The following SPATA17 variants were observed in gnomAD, a reference collection of about 807,000 sequenced individuals.
The protein encoded by SPATA17 is spermatogenesis associated 17.
In SPATA17, 53 loss-of-function variants were observed where a neutral mutation model predicts 62.2. The ratio of observed to expected loss-of-function variants is 0.85; its 90% CI spans 0.68 to 1.07. The LOEUF (loss-of-function observed/expected upper bound fraction) is 1.07. SPATA17 is among the 50% of genes least tolerant of loss of function. The probability of loss-of-function intolerance (pLI) is 0.00; values close to 1 mark genes in which losing one functional copy is unlikely to be tolerated. For missense variants in SPATA17, 466 were observed against 425.5 expected, an observed-to-expected ratio of 1.10 and a Z score of -0.84; for synonymous variants, 146 against 146.8, an observed-to-expected ratio of 0.99 and a Z score of 0.04.
intron 5 of SPATA17, among the ~76,000 whole-genome samples, chr1:217,739,887 T>C (rs923988706): frequency 1.3e-5 from 2 of 152,268 alleles, no homozygotes; most frequent in Admixed American, 1.3e-4. Flanking sequence ...ATGAATTTAT[T>C]AAATTAACTA....
chr1:217,656,788 T>A (rs1425619384), intron 3 of SPATA17, among the ~76,000 whole-genome samples: 2 of 152,202 alleles, frequency 1.3e-5, no homozygotes, highest in Admixed American at 1.3e-4. Context: ...CTATGAATAT[T>A]ATCACTATTT....
chr1:217,717,959 A>G (rs2102931785), intron 5 of SPATA17, among the ~76,000 whole-genome samples: 1 of 152,342 alleles, frequency 6.6e-6, no homozygotes, highest in East Asian at 1.9e-4. Context: ...CTATGCCCCA[A>G]ACTAATGGGG....
chr1:217,819,628 G>A (rs903116372), intron 9 of SPATA17, among the ~76,000 whole-genome samples: 1 of 151,934 alleles, frequency 6.6e-6, no homozygotes, highest in Non-Finnish European at 1.5e-5. Flanking sequence ...CTCTCCCCTT[G>A]CATTTTACAC....
chr1:217,782,383 T>A (rs2102976938), intron 8 of SPATA17, 61 bp downstream of exon 8: 1 of 1,493,090 alleles, frequency 6.7e-7, no homozygotes, highest in East Asian at 2.4e-5. Context: ...TTTTCTAATT[T>A]TTTTATTTTC....
At chr1:217,786,814 C>CTTCTTCTTCTTCTTCTTCTTCTTCT (rs1673883768) in intron 8 of SPATA17, among the ~76,000 whole-genome samples, 1 of 38,124 alleles carries the variant, frequency 2.6e-5, no homozygotes, top group Admixed American at 2.8e-4. Context: ...CTTCTTCTTC[C>CTTCTTCTTCTTCTTCTTCTTCTTCT]TCTGTATAAT....
intron 6 of SPATA17, among the ~76,000 whole-genome samples, chr1:217,762,599 A>G (rs563178679): frequency 2.0e-5 from 3 of 152,304 alleles, no homozygotes; most frequent in African/African-American, 4.8e-5. Context: ...GTCACGATAG[A>G]TTGTCTACTC....
chr1:217,838,654 A>G (rs1184754959), intron 9 of SPATA17, among the ~76,000 whole-genome samples: 1 of 152,102 alleles, frequency 6.6e-6, no homozygotes, highest in Non-Finnish European at 1.5e-5. Context: ...AAAAGAAATC[A>G]CTTTTGTTCT....
chr1:217,777,999 T>C (rs1673633958), intron 7 of SPATA17, among the ~76,000 whole-genome samples: 1 of 152,180 alleles, frequency 6.6e-6, no homozygotes, highest in African/African-American at 2.4e-5. Flanking sequence ...TTGAATTATG[T>C]ACATTACTAT....
chr1:217,643,718 A>C (rs12737546), intron 1 of SPATA17, among the ~76,000 whole-genome samples: 81,443 of 143,650 alleles, frequency 0.57, 23,232 homozygotes, highest in African/African-American at 0.6. Flanking sequence ...CTCTCTCTAT[A>C]TATATATATA....
At chr1:217,653,791 G>A (rs964324829) in intron 3 of SPATA17, among the ~76,000 whole-genome samples, 5 of 151,916 alleles carry the variant, frequency 3.3e-5, no homozygotes, top group African/African-American at 1.2e-4. Flanking sequence ...AGGGATTTTG[G>A]TAATAACCTT....
At chr1:217,822,918 T>A (rs1405350412) in intron 9 of SPATA17, among the ~76,000 whole-genome samples, 1 of 151,828 alleles carries the variant, frequency 6.6e-6, no homozygotes, top group Non-Finnish European at 1.5e-5. Context: ...ATATATTCAC[T>A]GTCAATAATC....
intron 5 of SPATA17, among the ~76,000 whole-genome samples, chr1:217,732,527 C>T (rs933470481): frequency 2.4e-4 from 37 of 152,198 alleles, no homozygotes; most frequent in Non-Finnish European, 7.4e-5. Context: ...CAATTCTGAA[C>T]TCTACCCAAA....
intron 7 of SPATA17, among the ~76,000 whole-genome samples, chr1:217,779,729 T>C (rs1188073180): frequency 6.6e-6 from 1 of 152,092 alleles, no homozygotes; most frequent in African/African-American, 2.4e-5. Flanking sequence ...AATAAAAAAG[T>C]ATATACCTCA....
At chr1:217,789,407 A>T (rs961823044) in intron 8 of SPATA17, among the ~76,000 whole-genome samples, 2 of 152,166 alleles carry the variant, frequency 1.3e-5, no homozygotes, top group African/African-American at 4.8e-5. Context: ...TAAAACCGAA[A>T]TGGGGTCCAT....
At chr1:217,855,448 G>A (rs1186243164) in intron 9 of SPATA17, among the ~76,000 whole-genome samples, 1 of 151,998 alleles carries the variant, frequency 6.6e-6, no homozygotes, top group Non-Finnish European at 1.5e-5. Flanking sequence ...TGTGTTTTTG[G>A]TTGTAATTAA....
intron 4 of SPATA17, among the ~76,000 whole-genome samples, chr1:217,680,480 A>C (rs1671054675): frequency 6.6e-6 from 1 of 152,144 alleles, no homozygotes; most frequent in Non-Finnish European, 1.5e-5. Context: ...AATATTGGTA[A>C]AATTAGGGAG....
intron 6 of SPATA17, among the ~76,000 whole-genome samples, chr1:217,764,165 A>G (rs1673243541): frequency 6.6e-6 from 1 of 152,144 alleles, no homozygotes; most frequent in African/African-American, 2.4e-5. Flanking sequence ...ACAAATCTAT[A>G]ATGACATATA....
At position 217,712,128 on chromosome 1, in the gene SPATA17, C is replaced by CTTTTTTTTTTTTTTTT. The variant is rs551988828; in HGVS notation, c.395+28771_395+28772insTTTTTTTTTTTTTTTT. Reference sequence around the variant, plus strand: ...GGACCCTTAAGTTCTACAATATGTTCTTTTGTTTTTTTTTTTTTACGGAGT... The same window carrying CTTTTTTTTTTTTTTTT: ...GGACCCTTAAGTTCTACAATATGTTCTTTTTTTTTTTTTTTTTTTTGTTTTTTTTTTTTTACGGAGT... On this transcript the variant is annotated intron_variant, in intron 5 of 10. Coordinates refer to ENST00000366933, the MANE Select transcript of SPATA17 (RefSeq NM_138796.4). Among the ~76,000 whole-genome samples the CTTTTTTTTTTTTTTTT allele has an allele frequency of 2.4e-3, 316 of 134,082 alleles. 18 individuals are homozygous for CTTTTTTTTTTTTTTTT. The highest frequency in any genetic ancestry group is 8.3e-3 in the Middle Eastern group (2 of 242). The allele number at this position is 134,082 out of a possible 152,430, so 88.0% of individuals were successfully genotyped here.
At chr1:217,750,400 G>T (rs1482556772) in intron 6 of SPATA17, among the ~76,000 whole-genome samples, 2 of 152,068 alleles carry the variant, frequency 1.3e-5, no homozygotes, top group Admixed American at 6.6e-5. Context: ...ATGCATTCAT[G>T]GAATGTCTGG....
Sources: allele counts gnomAD v4.1 joint callset (sites outside exome capture counted in the v4.1 genomes callset), GRCh38; gene constraint gnomAD v4.1.1; transcripts MANE v1.5; gene names NCBI Gene and HGNC (gene_info 2026-07-23, HGNC 2026-07-21).